SYTL1: variants seen among roughly 807,000 people sequenced by gnomAD.
SYTL1 encodes the protein synaptotagmin like 1.
A neutral mutation model predicts 74.6 loss-of-function variants in SYTL1; 53 were observed. The observed-to-expected ratio is 0.71, with a 90% confidence interval of 0.57 to 0.89. The LOEUF (loss-of-function observed/expected upper bound fraction) is 0.89. Among genes scored for constraint, SYTL1 ranks in the 40% least tolerant of loss-of-function variants. The pLI is 0.00. For missense variants in SYTL1, 728 were observed against 768.7 expected (o/e 0.95, Z 0.63); for synonymous variants, 329 against 324.9 (o/e 1.01, Z -0.14).
rs145989382 is a variant in SYTL1, at chr1:27,343,966, C to A, written c.-38-1331C>A. On this transcript the variant is annotated intron_variant, in intron 1 of 14. Transcript: ENST00000616558. The surrounding 1 kb of genome is among the most constrained non-coding windows in gnomAD (Gnocchi z 5.2). The stretch of plus-strand genomic sequence containing the variant: ...GTTTTTGTTTTGAGACGGAGTCTCA[C>A]TCTTGCCCAGGCTGGAGTGCAGTGG... Among the ~76,000 whole-genome samples, 2,547 of 152,304 alleles carry A rather than the reference C, an allele frequency of 0.017. 37 individuals are homozygous for A. Among genetic ancestry groups the A allele is most frequent in the Non-Finnish European group, 0.026 (1,772 of 68,018 alleles).
In SYTL1 at chr1:27,348,861, A is replaced by G. The variant is rs2015112444; in HGVS notation, c.460-219A>G. On this transcript the variant is annotated intron_variant, in intron 5 of 14. Transcript: ENST00000616558. The surrounding 1 kb of genome is among the most constrained non-coding windows in gnomAD (Gnocchi z 4.1). ...GACTCAGGTACGAATGACCCCACCA[A>G]TGGGAGTAGGGAGTCAGGCGGCACA... Among the ~76,000 whole-genome samples, 1 of 152,224 alleles carries G rather than the reference A, an allele frequency of 6.6e-6. No individual in the cohort carries two copies. The highest frequency in any genetic ancestry group is 2.1e-4 in the South Asian group (1 of 4,824).
rs1449389658 is a variant in SYTL1 at position 27,351,397 on chromosome 1, C to G, written c.1244-59C>G. Reference sequence around the variant, plus strand: ...CCTGAAAAGCGGGAGACTCCAGTCCCCGGGTTTGGGGGCGGTGGACTCCAT... The same window carrying G: ...CCTGAAAAGCGGGAGACTCCAGTCCGCGGGTTTGGGGGCGGTGGACTCCAT... On this transcript the variant is annotated intron_variant, in intron 12 of 14. Coordinates refer to ENST00000616558, the MANE Select transcript of SYTL1 (RefSeq NM_001193308.2). This position sits in a 1 kb window ranked among gnomAD's most constrained non-coding sequence, Gnocchi z 5.0. 6.6e-7 allele frequency: 1 copy of G among 1,507,830 alleles called. No individual in the cohort carries two copies. The allele number at this position is 1,507,830 out of a possible 1,614,324, so 93.4% of individuals were successfully genotyped here.
chr1:27,353,923 C>T lies in SYTL1; in HGVS notation c.*71C>T. 1 of 1,423,112 alleles carries T rather than the reference C, an allele frequency of 7.0e-7. No homozygotes were observed. Among genetic ancestry groups the T allele is most frequent in the Non-Finnish European group, 9.7e-7 (1 of 1,028,726 alleles). The allele number at this position is 1,423,112 out of a possible 1,614,324, so 88.2% of individuals were successfully genotyped here. A position where few individuals can be genotyped will look rare whatever the true frequency, so the allele number is the denominator to read the frequency against. On this transcript the variant is annotated 3_prime_UTR_variant, in exon 15 of 15. Transcript: ENST00000616558. ...TTGGCTAAAGTCAATAAAGTCTATT[C>T]TAAGAGCAATAAAAGGCTGGTGTCT...
chr1:27,349,430 G>C lies in SYTL1; in HGVS notation c.565G>C (p.Glu189Gln), dbSNP rs771817961. 8.5e-5 allele frequency: 123 copies of C among 1,452,950 alleles called. No homozygotes were observed. The highest frequency in any genetic ancestry group is 5.1e-4 in the Middle Eastern group (2 of 3,900). 90.0% of individuals were successfully genotyped at this position (1,452,950 alleles called of 1,614,324 possible). The change falls in exon 7 of 15, where the codon GAG (glutamate) becomes CAG (glutamine). Residue 189 changes from glutamate to glutamine, a missense_variant. Physicochemically the swap from Glu to Gln is conservative, Grantham distance 29. Transcript: ENST00000616558. ...PGQGDQQVCA[E>Q]EADPELEPAS... ...CCAAGGAGACCAACAGGTCTGTGCC[G>C]AGGAGGCTGACCCGGAGCTGGAGCC...
At chr1:27,352,935 G>A (rs1206295585) in intron 13 of SYTL1, 9 of 278,112 alleles carry the variant, frequency 3.2e-5, no homozygotes, top group Non-Finnish European at 5.7e-5. Context: ...ACAGGTGCAT[G>A]CCACCATGCC....
rs1444139668 is a variant in SYTL1, at chr1:27,343,735, T to C, written c.-38-1562T>C. Among the ~76,000 whole-genome samples the C allele has an allele frequency of 6.6e-6, 1 of 152,186 alleles. No homozygotes were observed. Among genetic ancestry groups the C allele is most frequent in the African/African-American group, 2.4e-5 (1 of 41,436 alleles). On this transcript the variant is annotated intron_variant, in intron 1 of 14. Transcript: ENST00000616558. The surrounding 1 kb of genome is among the most constrained non-coding windows in gnomAD (Gnocchi z 5.2). ...CATCTGTTGTGTGCAAAGTAATGGC[T>C]TTGAGGGTGACTCCCTCTCCCTGCC...
chr1:27,348,040 C>T lies in SYTL1; in HGVS notation c.459+28C>T, dbSNP rs368927504. The T allele has an allele frequency of 4.3e-6, 7 of 1,610,936 alleles. No homozygotes were observed. The African/African-American group carries it at 6.7e-5, about 15-fold the overall frequency. ...AAGTGAATGAGCCAACATGTGAGTACAGTGTCCCTGGAGGGGAGGTGGAAT... is the reference window on the plus strand; with the variant it reads ...AAGTGAATGAGCCAACATGTGAGTATAGTGTCCCTGGAGGGGAGGTGGAAT... On this transcript the variant is annotated intron_variant, in intron 5 of 14. Transcript: ENST00000616558. This position sits in a 1 kb window ranked among gnomAD's most constrained non-coding sequence, Gnocchi z 4.1.
chr1:27,344,726 T>A (rs2014921203), intron 1 of SYTL1: 1 of 150,424 alleles, frequency 6.6e-6, no homozygotes, highest in Admixed American at 6.6e-5. Context: ...GGTGCGTGCC[T>A]ATAATCCCAG....
chr1:27,345,403 G>A lies in SYTL1; in HGVS notation c.69G>A (p.Gly23=). Residue 23 remains glycine, a synonymous_variant, in exon 2 of 15, where the codon GGG becomes GGA. Coordinates refer to ENST00000616558, the MANE Select transcript of SYTL1 (RefSeq NM_001193308.2). This position sits in a 1 kb window ranked among gnomAD's most constrained non-coding sequence, Gnocchi z 6.0. ...WALPSLPMAH[G]PKPETEGLLD... ...TGCCCTCCCTCCCCATGGCGCATGG[G>A]CCAAAGCCTGAGACTGAAGGACTGT... The A allele has an allele frequency of 1.3e-6, 2 of 1,559,304 alleles. No homozygotes were observed. The highest frequency in any genetic ancestry group is 2.4e-5 in the South Asian group (2 of 84,434).
Position 27,348,638 on chromosome 1 carries a change from C to T in SYTL1, c.460-442C>T, listed in dbSNP as rs1361215422. Among the ~76,000 whole-genome samples the T allele has an allele frequency of 4.6e-5, 7 of 151,874 alleles. No homozygotes were observed. Among genetic ancestry groups the T allele is most frequent in the Non-Finnish European group, 5.9e-5 (4 of 67,962 alleles). ...AGGAGAATCGCTTGAACCCAGGAGG[C>T]GGAGGTTGCAGTGAGCCAAGATCAC... On this transcript the variant is annotated intron_variant, in intron 5 of 14. Transcript: ENST00000616558. The surrounding 1 kb of genome is among the most constrained non-coding windows in gnomAD (Gnocchi z 4.1).
chr1:27,350,008 G>C lies in SYTL1; in HGVS notation c.784G>C (p.Glu262Gln). 1 of 1,563,652 alleles carries C rather than the reference G, an allele frequency of 6.4e-7. No homozygotes were observed. Among genetic ancestry groups the C allele is most frequent in the Non-Finnish European group, 8.6e-7 (1 of 1,164,024 alleles). Reference sequence around the variant, plus strand: ...CCAGATGAGCCTGTCAGGCGACGCGGAGGCGGTGCAGGTCCGCGGCTCCGT... The same window carrying C: ...CCAGATGAGCCTGTCAGGCGACGCGCAGGCGGTGCAGGTCCGCGGCTCCGT... ...GSQMSLSGDA[E>Q]AVQVRGSVHF... is the part of the protein sequence containing the mutation. Residue 262 changes from glutamate (E) to glutamine (Q), a missense_variant, in exon 9 of 15, where the codon GAG becomes CAG. Coordinates refer to ENST00000616558, the MANE Select transcript of SYTL1 (RefSeq NM_001193308.2). This position sits in a 1 kb window ranked among gnomAD's most constrained non-coding sequence, Gnocchi z 6.3.
intron 7 of SYTL1, 60 bp downstream of exon 7, chr1:27,349,558 G>A: frequency 6.8e-7 from 1 of 1,475,966 alleles, no homozygotes. Context: ...GGCGGGGAGC[G>A]CTCCTGCCCA....
Position 27,350,745 on chromosome 1 carries a change from T to C in SYTL1, c.1006-49T>C. ...TGCCTCAGCCAACTCGCGCAGCATC[T>C]ACGCGGGCCACCAGCAGTGCTCCAC... On this transcript the variant is annotated intron_variant, in intron 10 of 14. Transcript: ENST00000616558. This position sits in a 1 kb window ranked among gnomAD's most constrained non-coding sequence, Gnocchi z 6.3. 6.3e-7 allele frequency: 1 copy of C among 1,597,082 alleles called. No homozygotes were observed. Among genetic ancestry groups the C allele is most frequent in the Non-Finnish European group, 8.6e-7 (1 of 1,168,392 alleles).
chr1:27,346,126 A>G (rs1307335948), intron 2 of SYTL1, among the ~76,000 whole-genome samples: 1 of 151,978 alleles, frequency 6.6e-6, no homozygotes, highest in African/African-American at 2.4e-5. Flanking sequence ...CTGGCTCCCC[A>G]GTATCAAGGG....
intron 13 of SYTL1, chr1:27,352,827 C>G (rs1182867828): frequency 5.9e-6 from 1 of 168,180 alleles, no homozygotes; most frequent in Non-Finnish European, 1.3e-5. Context: ...ACTCTGTTGC[C>G]TAGGCTGGAG....
Sources: gnomAD v4.1 joint callset for allele counts (sites outside exome capture counted in the v4.1 genomes callset) on GRCh38, gnomAD v4.1.1 for gene constraint, Gnocchi (gnomAD v3.1) non-coding constraint, MANE v1.5 for transcripts, NCBI Gene and HGNC (gene_info 2026-07-23, HGNC 2026-07-21) for gene names.